PLLP: variants seen among roughly 807,000 people sequenced by gnomAD.
PLLP encodes plasma membrane proteolipid (plasmolipin).
Under a neutral mutation model 19.7 loss-of-function variants are expected in PLLP, and 15 were observed. That is an observed-to-expected ratio of 0.76 (90% CI 0.51 to 1.17). PLLP has a LOEUF of 1.17. Among genes scored for constraint, PLLP ranks in the 50% most tolerant of loss-of-function variants. The probability of loss-of-function intolerance (pLI) is 0.00; values close to 1 mark genes in which losing one functional copy is unlikely to be tolerated. For synonymous variants in PLLP, 111 were observed against 116.3 expected, an observed-to-expected ratio of 0.95 and a Z score of 0.29; for missense variants, 255 against 258.3, an observed-to-expected ratio of 0.99 and a Z score of 0.09.
Position 57,284,670 on chromosome 16 carries a change from G to T in PLLP, c.-130C>A, listed in dbSNP as rs1359640470. 16 of 942,590 alleles carry T rather than the reference G, an allele frequency of 1.7e-5. No individual in the cohort carries two copies. The highest frequency in any genetic ancestry group is 3.4e-5 in the African/African-American group (2 of 58,676). 58.4% of individuals were successfully genotyped at this position (942,590 alleles called of 1,614,324 possible). ...TGTGGCTCCAGGCGCTGCAGGAGGC[G>T]TCGGGGCTGGGAGCCTGGGGCGCCA... On this transcript the variant is annotated 5_prime_UTR_variant, in exon 1 of 4. Coordinates refer to ENST00000219207, the MANE Select transcript of PLLP (RefSeq NM_015993.3).
intron 1 of PLLP, among the ~76,000 whole-genome samples, chr16:57,276,291 T>C (rs1901152810): frequency 6.6e-6 from 1 of 152,062 alleles, no homozygotes; most frequent in Non-Finnish European, 1.5e-5. Context: ...ACCCTGTCTC[T>C]ACTAAAAATA....
intron 1 of PLLP, among the ~76,000 whole-genome samples, chr16:57,279,707 C>T (rs1199566836): frequency 6.6e-6 from 1 of 151,244 alleles, no homozygotes; most frequent in East Asian, 2.0e-4. Flanking sequence ...GGGTCTTACT[C>T]TGTCACCCAG....
At chr16:57,284,359 G>A (rs1901255676) in intron 1 of PLLP, 47 bp downstream of exon 1, 1 of 1,324,826 alleles carries the variant, frequency 7.5e-7, no homozygotes, top group Non-Finnish European at 9.7e-7. Flanking sequence ...CATCCTGGCC[G>A]GACCGGGAGC....
chr16:57,282,530 A>G (rs1395378329), intron 1 of PLLP, among the ~76,000 whole-genome samples: 1 of 151,894 alleles, frequency 6.6e-6, no homozygotes, highest in Non-Finnish European at 1.5e-5. Flanking sequence ...CCACCTCACC[A>G]GGGATGCTGA....
chr16:57,271,228 C>T (rs1266630054), intron 1 of PLLP, among the ~76,000 whole-genome samples: 1 of 152,148 alleles, frequency 6.6e-6, no homozygotes, highest in Non-Finnish European at 1.5e-5. Context: ...CCCCTGGACC[C>T]CCAGCAAGGT....
In PLLP at chr16:57,256,859, GCT is replaced by G; in HGVS notation, c.*52_*53del. 1 of 1,231,300 alleles carries G rather than the reference GCT, an allele frequency of 8.1e-7. No individual in the cohort carries two copies. The highest frequency in any genetic ancestry group is 2.3e-5 in the East Asian group (1 of 43,226). The allele number at this position is 1,231,300 out of a possible 1,614,324, so 76.3% of individuals were successfully genotyped here. ...AGCTTCAGGCTTGCAGGGTGACCCT[GCT>G]CTGTGACCCAGCGGCGGCTTCAGCC... On this transcript the variant is annotated 3_prime_UTR_variant, in exon 4 of 4. Coordinates refer to ENST00000219207, the MANE Select transcript of PLLP (RefSeq NM_015993.3).
chr16:57,272,199 G>A (rs1478196556), intron 1 of PLLP, among the ~76,000 whole-genome samples: 1 of 152,244 alleles, frequency 6.6e-6, no homozygotes. Context: ...GCTCTTGGAA[G>A]ATCTGGACCT....
At chr16:57,257,151 C>A (rs2075428526) in intron 3 of PLLP, 122 bp from the exon 4 acceptor site, 3 of 693,318 alleles carry the variant, frequency 4.3e-6, no homozygotes, top group Non-Finnish European at 5.2e-6. Flanking sequence ...TAGCCAGATG[C>A]ATTTCACAGC....
At chr16:57,257,916 C>T (rs1270144256) in intron 3 of PLLP, among the ~76,000 whole-genome samples, 2 of 152,158 alleles carry the variant, frequency 1.3e-5, no homozygotes, top group Non-Finnish European at 2.9e-5. Flanking sequence ...TGGCAGCTCA[C>T]ACCTGTAATC....
At chr16:57,265,035 G>T (rs1432743740) in intron 1 of PLLP, among the ~76,000 whole-genome samples, 1 of 152,236 alleles carries the variant, frequency 6.6e-6, no homozygotes, top group Non-Finnish European at 1.5e-5. Context: ...CTCAGCACCT[G>T]CTCCTCCCCA....
Position 57,256,970 on chromosome 16 carries a change from G to A in PLLP, c.492C>T (p.Ala164=), listed in dbSNP as rs1226923923. ...YGVSAFFSYQ[A]WRGVGSNAAT... ...CCGCATTGCTGCCTACTCCTCGCCAGGCCTGGTAGCTGAAGAAGGCACTCA... is the reference window on the plus strand; with the variant it reads ...CCGCATTGCTGCCTACTCCTCGCCAAGCCTGGTAGCTGAAGAAGGCACTCA... The change falls in exon 4 of 4, where the codon GCC becomes GCT. Residue 164 remains alanine (A), a synonymous_variant. Transcript: ENST00000219207. 6.2e-7 allele frequency: 1 copy of A among 1,614,066 alleles called. No homozygotes were observed. The highest frequency in any genetic ancestry group is 1.1e-5 in the South Asian group (1 of 91,086).
chr16:57,275,846 C>T (rs1425632530), intron 1 of PLLP, among the ~76,000 whole-genome samples: 4 of 152,184 alleles, frequency 2.6e-5, no homozygotes, highest in Admixed American at 1.3e-4. Flanking sequence ...CCTGGCGCCG[C>T]GCCTTGCATT....
At chr16:57,260,329 A>G (rs1278041627) in intron 2 of PLLP, among the ~76,000 whole-genome samples, 1 of 152,100 alleles carries the variant, frequency 6.6e-6, no homozygotes, top group Non-Finnish European at 1.5e-5. Context: ...TGGAGCCCCA[A>G]ATCTGCACCT....
intron 1 of PLLP, among the ~76,000 whole-genome samples, chr16:57,273,593 G>C (rs1438138398): frequency 6.6e-6 from 1 of 152,190 alleles, no homozygotes; most frequent in Non-Finnish European, 1.5e-5. Context: ...TGCCAAGAAA[G>C]ACAGCACCCC....
chr16:57,270,959 G>T (rs745673695), intron 1 of PLLP, among the ~76,000 whole-genome samples: 1 of 151,998 alleles, frequency 6.6e-6, no homozygotes, highest in Non-Finnish European at 1.5e-5. Flanking sequence ...TATGCCCTGG[G>T]AACACAGTGG....
chr16:57,271,691 C>T (rs1430674031), intron 1 of PLLP, among the ~76,000 whole-genome samples: 1 of 151,876 alleles, frequency 6.6e-6, no homozygotes, highest in South Asian at 2.1e-4. Context: ...CCAACCTGAA[C>T]TGAAACTACC....
At position 57,284,572 on chromosome 16, in the gene PLLP, GGCCGCCGTC is replaced by G; in HGVS notation, c.-41_-33del. The G allele has an allele frequency of 7.6e-7, 1 of 1,323,542 alleles. No homozygotes were observed. The highest frequency in any genetic ancestry group is 2.4e-5 in the South Asian group (1 of 42,310). 82.0% of individuals were successfully genotyped at this position (1,323,542 alleles called of 1,614,324 possible). A position where few individuals can be genotyped will look rare whatever the true frequency, so the allele number is the denominator to read the frequency against. On this transcript the variant is annotated 5_prime_UTR_variant, in exon 1 of 4. Transcript: ENST00000219207. ...TCCGCTTGCCTCCCGAGGTCGCTAC[GGCCGCCGTC>G]GCCGCCCCTCCAGCGGTGGGTGCCG...
Position 57,256,643 on chromosome 16 carries a change from C to G in PLLP, c.*270G>C. 2.2e-6 allele frequency: 1 copy of G among 452,046 alleles called. No individual in the cohort carries two copies. The highest frequency in any genetic ancestry group is 4.0e-6 in the Non-Finnish European group (1 of 248,942). The allele number at this position is 452,046 out of a possible 1,614,324, so 28.0% of individuals were successfully genotyped here. On this transcript the variant is annotated 3_prime_UTR_variant, in exon 4 of 4. Transcript: ENST00000219207. ...AAGTCCTCTAAAGACAAGGCAGAGA[C>G]ACAGCCTCAGATCCCCCGTCATCTT...
chr16:57,268,510 A>G (rs1190003478), intron 1 of PLLP, among the ~76,000 whole-genome samples: 1 of 152,028 alleles, frequency 6.6e-6, no homozygotes, highest in East Asian at 1.9e-4. Context: ...TTTGTTTTTG[A>G]GACAGGGTCT....
Sources: allele counts gnomAD v4.1 joint callset (sites outside exome capture counted in the v4.1 genomes callset), GRCh38; gene constraint gnomAD v4.1.1; transcripts MANE v1.5; gene names NCBI Gene and HGNC (gene_info 2026-07-23, HGNC 2026-07-21).